The following ESR1 variants were observed in gnomAD, a reference collection of about 807,000 sequenced individuals.
ESR1 encodes estrogen receptor.
A neutral mutation model predicts 52.7 loss-of-function variants in ESR1; 12 were observed. The observed-to-expected ratio is 0.23, with a 90% CI of 0.15 to 0.37. ESR1 has a LOEUF of 0.37. Among genes scored for constraint, ESR1 ranks in the 10% least tolerant of loss-of-function variants. The pLI is 1.00. For synonymous variants in ESR1, 305 were observed against 316.8 expected (o/e 0.96, Z 0.39); for missense variants, 584 against 779.7 (o/e 0.75, Z 2.99).
rs548992917 is a variant in ESR1 at position 151,870,498 on chromosome 6, C to G, written c.644-10157C>G. On this transcript the variant is annotated intron_variant, in intron 2 of 7. Transcript: ENST00000206249. ...TCAAGTTCTTTTTATTTCACCAACC[C>G]TACCATGGCACTCCTGAAAGACTTG... is the stretch of plus-strand genomic sequence containing the variant. 7.2e-5 allele frequency among the ~76,000 whole-genome samples: 11 copies of G among 152,300 alleles called. No homozygotes were observed. The East Asian group carries it at 2.1e-3, about 29-fold the overall frequency.
At chr6:151,984,281 T>A (rs1177699941) in intron 4 of ESR1, 2 of 152,098 alleles carry the variant, frequency 1.3e-5, no homozygotes, top group African/African-American at 4.8e-5. Context: ...TACTTCCCCA[T>A]CAATCTTAAT....
At position 152,037,708 on chromosome 6, in the gene ESR1, A is replaced by G. The variant is rs546358895; in HGVS notation, c.1236-23283A>G. On this transcript the variant is annotated intron_variant, in intron 5 of 7. Transcript: ENST00000206249. Reference sequence around the variant, plus strand: ...ATCCCTAGAACAGCTTTTTGAGGATATGAAGTTAGACCTTACAAAGCACAT... The same window carrying G: ...ATCCCTAGAACAGCTTTTTGAGGATGTGAAGTTAGACCTTACAAAGCACAT... Among the ~76,000 whole-genome samples the G allele has an allele frequency of 6.6e-5, 10 of 152,280 alleles. No individual in the cohort carries two copies. The East Asian group carries it at 1.5e-3, about 24-fold the overall frequency.
chr6:151,932,984 TG>T (rs2033873437), intron 3 of ESR1, among the ~76,000 whole-genome samples: 1 of 152,136 alleles, frequency 6.6e-6, no homozygotes, highest in South Asian at 2.1e-4. Flanking sequence ...TTTCCAATTC[TG>T]TGAAGAAAGA....
intron 4 of ESR1, among the ~76,000 whole-genome samples, chr6:151,976,937 G>A (rs1047935453): frequency 1.3e-5 from 2 of 152,060 alleles, no homozygotes; most frequent in Non-Finnish European, 2.9e-5. Flanking sequence ...TAGTAAGGGA[G>A]TTTTAAACTG....
chr6:151,740,243 T>C (rs936671328), intron 2 of ESR1, among the ~76,000 whole-genome samples: 7 of 151,472 alleles, frequency 4.6e-5, no homozygotes, highest in Admixed American at 6.6e-5. Flanking sequence ...CTCAGCCTCC[T>C]GAGTAGCTGG....
At chr6:151,960,025 A>G (rs2037469252) in intron 4 of ESR1, among the ~76,000 whole-genome samples, 1 of 152,174 alleles carries the variant, frequency 6.6e-6, no homozygotes, top group African/African-American at 2.4e-5. Context: ...TTGTTCCTAG[A>G]ACAGTTCCTG....
At chr6:151,668,331 T>C (rs1777903343) in intron 1 of ESR1, among the ~76,000 whole-genome samples, 1 of 151,790 alleles carries the variant, frequency 6.6e-6, no homozygotes, top group South Asian at 2.1e-4. Flanking sequence ...CAGGCTGGAG[T>C]GCAGTGGCTC....
Position 152,127,335 on chromosome 6 carries a change from G to A in ESR1, c.*1987G>A, listed in dbSNP as rs187101037. The A allele has an allele frequency of 4.6e-5, 7 of 152,164 alleles. No individual in the cohort carries two copies. The East Asian group carries it at 1.4e-3, about 29-fold the overall frequency. 9.4% of individuals were successfully genotyped at this position (152,164 alleles called of 1,614,324 possible). On this transcript the variant is annotated 3_prime_UTR_variant, in exon 7 of 7. Coordinates refer to the ESR1 transcript ENST00000427531. ...AAATTGGGAATATAGCCATGTCATG[G>A]GATTCTTGTGAGGGTTAAATGAGGT... is the stretch of plus-strand genomic sequence containing the variant.
chr6:151,962,867 G>C (rs2037833182), intron 4 of ESR1, among the ~76,000 whole-genome samples: 1 of 152,066 alleles, frequency 6.6e-6, no homozygotes, highest in African/African-American at 2.4e-5. Flanking sequence ...AATTGTGCCT[G>C]TCCTGTTTTT....
At chr6:151,789,959 T>G (rs1187739458) in intron 2 of ESR1, among the ~76,000 whole-genome samples, 1 of 152,138 alleles carries the variant, frequency 6.6e-6, no homozygotes, top group Non-Finnish European at 1.5e-5. Flanking sequence ...GAGTTGTTGT[T>G]GTGTTTGAGT....
chr6:152,015,989 G>A (rs1403392213), intron 5 of ESR1, among the ~76,000 whole-genome samples: 1 of 152,066 alleles, frequency 6.6e-6, no homozygotes, highest in Non-Finnish European at 1.5e-5. Flanking sequence ...ACCTTTAATT[G>A]TAATAATCCC....
chr6:151,876,897 C>T (rs1284403116), intron 2 of ESR1, among the ~76,000 whole-genome samples: 1 of 151,738 alleles, frequency 6.6e-6, no homozygotes, highest in Non-Finnish European at 1.5e-5. Context: ...GGGCTTGGTT[C>T]ATCCGGGCCT....
At chr6:152,129,422 G>C (rs1201595229) in exon 7 of ESR1, 1 of 152,168 alleles carries the variant, frequency 6.6e-6, no homozygotes, top group African/African-American at 2.4e-5. Context: ...ATAACACAAT[G>C]ATCTGCCTAA....
At chr6:151,880,051 G>A (rs961568001) in intron 2 of ESR1, among the ~76,000 whole-genome samples, 8 of 152,138 alleles carry the variant, frequency 5.3e-5, no homozygotes, top group African/African-American at 1.9e-4. Flanking sequence ...CTTATCTGCT[G>A]AGAAAATATA....
At chr6:152,008,917 C>T (rs1457499946) in intron 4 of ESR1, among the ~76,000 whole-genome samples, 2 of 152,024 alleles carry the variant, frequency 1.3e-5, no homozygotes, top group East Asian at 1.9e-4. Context: ...AACCAGAGGG[C>T]TTTCGTTTTA....
Position 151,944,860 on chromosome 6 carries a change from T to C in ESR1, c.1096+352T>C, listed in dbSNP as rs1357371230. 2.0e-5 allele frequency among the ~76,000 whole-genome samples: 3 copies of C among 152,192 alleles called. No individual in the cohort carries two copies. In the East Asian group the frequency reaches 5.8e-4, roughly 29 times the overall value. ...TTAACACTAAATGAACTACAAAAGT[T>C]TGTAATATTAATGACCTTTGTTGAA... On this transcript the variant is annotated intron_variant, in intron 4 of 7. Coordinates refer to ENST00000206249, the MANE Select transcript of ESR1 (RefSeq NM_000125.4).
intron 6 of ESR1, among the ~76,000 whole-genome samples, chr6:152,088,415 C>T (rs902823424): frequency 6.6e-6 from 1 of 152,052 alleles, no homozygotes; most frequent in Non-Finnish European, 1.5e-5. Context: ...AATATGCTAC[C>T]GTGTGGTCTG....
intron 3 of ESR1, among the ~76,000 whole-genome samples, chr6:151,896,783 T>C (rs554441846): frequency 1.3e-5 from 2 of 152,324 alleles, no homozygotes; most frequent in East Asian, 3.9e-4. Flanking sequence ...AGATTGTCTA[T>C]TTGTGCTCTT....
At chr6:151,712,353 A>G (rs1780683740) in intron 2 of ESR1, among the ~76,000 whole-genome samples, 2 of 152,262 alleles carry the variant, frequency 1.3e-5, no homozygotes, top group South Asian at 4.1e-4. Context: ...TGAAATTTAA[A>G]GTAGTTTTTT....
Sources: gnomAD v4.1 joint callset for allele counts (sites outside exome capture counted in the v4.1 genomes callset) on GRCh38, gnomAD v4.1.1 for gene constraint, MANE v1.5 for transcripts, NCBI Gene and HGNC (gene_info 2026-07-23, HGNC 2026-07-21) for gene names.